The following NOL11 variants were observed in gnomAD, a reference collection of about 807,000 sequenced individuals.
The protein encoded by NOL11 is nucleolar protein 11.
NOL11 carries 42 observed loss-of-function variants against 93.0 expected under a neutral mutation model. That is an observed-to-expected ratio of 0.45 (90% CI 0.35 to 0.58). The LOEUF is 0.58. Ranked by LOEUF, NOL11 falls within the 20% of genes least tolerant of loss-of-function variation. The pLI is 0.00. For synonymous variants in NOL11, 296 were observed against 293.7 expected (o/e 1.01, Z -0.08); for missense variants, 775 against 841.8 (o/e 0.92, Z 0.98).
chr17:67,736,312 T>C (rs2055201862), intron 9 of NOL11, among the ~76,000 whole-genome samples: 1 of 151,450 alleles, frequency 6.6e-6, no homozygotes. Flanking sequence ...AAAAAAAAGT[T>C]TGAAACTTGT....
chr17:67,722,414 C>T (rs933577326), intron 4 of NOL11, among the ~76,000 whole-genome samples, 166 bp from the exon 5 acceptor site: 2 of 152,046 alleles, frequency 1.3e-5, no homozygotes, highest in African/African-American at 2.4e-5. Context: ...TTGACAAATG[C>T]GTATTGCTTG....
At chr17:67,724,688 G>A (rs2055072617) in intron 6 of NOL11, among the ~76,000 whole-genome samples, 1 of 152,154 alleles carries the variant, frequency 6.6e-6, no homozygotes, top group Non-Finnish European at 1.5e-5. Flanking sequence ...CAGTGATCCT[G>A]TGTTTTGAGG....
intron 3 of NOL11, chr17:67,720,300 C>CTTTTTTTTTTTTTT (rs766269065): frequency 7.6e-6 from 1 of 132,430 alleles, no homozygotes; most frequent in African/African-American, 2.8e-5. Context: ...GTGTATTGTA[C>CTTTTTTTTTTTTTT]TTTTTTTTTT....
chr17:67,737,414 T>TA, intron 11 of NOL11, 94 bp from the exon 12 acceptor site: 1 of 1,042,184 alleles, frequency 9.6e-7, no homozygotes, highest in Non-Finnish European at 1.4e-6. Flanking sequence ...TGATAACTGT[T>TA]AGTCATTTGA....
chr17:67,721,655 C>G (rs2043218374), intron 4 of NOL11, 129 bp downstream of exon 4: 1 of 726,864 alleles, frequency 1.4e-6, no homozygotes, highest in Admixed American at 3.0e-5. Flanking sequence ...TTACAAAACA[C>G]TGACTAAAAC....
At chr17:67,739,331 C>T (rs927292234) in intron 15 of NOL11, among the ~76,000 whole-genome samples, 185 bp from the exon 16 acceptor site, 7 of 152,162 alleles carry the variant, frequency 4.6e-5, no homozygotes, top group African/African-American at 1.2e-4. Flanking sequence ...CCACCACTAC[C>T]CCCAAACCAG....
rs553823392 is a variant in NOL11 at position 67,724,330 on chromosome 17, C to T, written c.664+137C>T. ...TGCTTCTTTACAGCGTTCATGCCTT[C>T]ACTTTTTTTTTTTTTTTTTTTGAGA... On this transcript the variant is annotated intron_variant, in intron 6 of 17. Transcript: ENST00000253247. 1.3e-4 allele frequency: 52 copies of T among 394,280 alleles called. No homozygotes were observed. In the East Asian group the frequency reaches 2.2e-3, roughly 16 times the overall value. The allele number at this position is 394,280 out of a possible 1,614,324, so 24.4% of individuals were successfully genotyped here. A position where few individuals can be genotyped will look rare whatever the true frequency, so the allele number is the denominator to read the frequency against.
chr17:67,731,656 A>G (rs953748482), intron 7 of NOL11, among the ~76,000 whole-genome samples: 3 of 152,206 alleles, frequency 2.0e-5, no homozygotes, highest in African/African-American at 7.2e-5. Context: ...AAAGAATGTT[A>G]TGGTTTTAGC....
chr17:67,738,950 A>G lies in NOL11; in HGVS notation c.1782A>G (p.Ser594=). 1 of 1,611,206 alleles carries G rather than the reference A, an allele frequency of 6.2e-7. No individual in the cohort carries two copies. The highest frequency in any genetic ancestry group is 1.1e-5 in the South Asian group (1 of 90,896). ...TCCTAAGTAATGCAATTCTTCATTC[A>G]GCATATAGCGAGACATTTCTTCTGC... ...RAALLNAILH[S]AYSETFLLPH... The change falls in exon 15 of 18, where the codon TCA becomes TCG. Residue 594 remains serine (S), a synonymous_variant. Coordinates refer to ENST00000253247, the MANE Select transcript of NOL11 (RefSeq NM_015462.5).
chr17:67,732,856 G>A (rs889587178), intron 7 of NOL11, among the ~76,000 whole-genome samples: 1 of 151,784 alleles, frequency 6.6e-6, no homozygotes, highest in African/African-American at 2.4e-5. Flanking sequence ...TTACAGGCAT[G>A]AGCCACCATG....
chr17:67,719,488 T>C (rs1428849745), intron 1 of NOL11, 186 bp from the exon 2 acceptor site: 5 of 414,168 alleles, frequency 1.2e-5, no homozygotes, highest in African/African-American at 4.2e-5. Flanking sequence ...CTCGAACTCC[T>C]GACCTCGTGA....
rs1426237262 is a variant in NOL11, at chr17:67,737,905, C to T, written c.1462C>T (p.Leu488Phe). The change falls in exon 13 of 18, where the codon CTC (leucine) becomes TTC (phenylalanine). Residue 488 changes from leucine to phenylalanine, a missense_variant. Around this residue, in one of 2 missense-constraint regions of NOL11, gnomAD observed 416 missense variants for 525.2 expected, o/e 0.79. Transcript: ENST00000253247. ...LKKKDVQLLQLCLQQFPDIPE... is the reference protein window; with the variant it reads ...LKKKDVQLLQFCLQQFPDIPE... Reference sequence around the variant, plus strand: ...AAAGAAAGATGTACAGTTGTTACAACTCTGTCTACAGCAGTTCCCTGACAT... The same window carrying T: ...AAAGAAAGATGTACAGTTGTTACAATTCTGTCTACAGCAGTTCCCTGACAT... 1 of 1,613,560 alleles carries T rather than the reference C, an allele frequency of 6.2e-7. No homozygotes were observed. The highest frequency in any genetic ancestry group is 1.7e-5 in the Admixed American group (1 of 59,892).
At chr17:67,739,642 G>A in intron 16 of NOL11, 34 bp downstream of exon 16, 1 of 1,348,404 alleles carries the variant, frequency 7.4e-7, no homozygotes. Context: ...TTTGGTGCTG[G>A]GAAAAATCTG....
intron 1 of NOL11, 150 bp downstream of exon 1, chr17:67,718,238 G>C: frequency 9.3e-7 from 1 of 1,073,278 alleles, no homozygotes; most frequent in South Asian, 1.7e-5. Context: ...CGCTGAGTGA[G>C]GTCTGGAATC....
rs765125216 is a variant in NOL11, at chr17:67,721,456, G to A, written c.391G>A (p.Gly131Ser). 2 of 1,613,800 alleles carry A rather than the reference G, an allele frequency of 1.2e-6. No homozygotes were observed. The highest frequency in any genetic ancestry group is 2.2e-5 in the South Asian group (2 of 91,062). ...LVLFKEGAVR[G>S]LEALLADPQQ... ...GCTCTTCAAGGAAGGTGCTGTTCGT[G>A]GTTTAGAGGCCTTGCTTGCAGACCC... The change falls in exon 4 of 18, where the codon GGT becomes AGT. Residue 131 changes from glycine to serine, a missense_variant. Physicochemically the swap from Gly to Ser is moderately conservative, Grantham distance 56 (BLOSUM62 0). Coordinates refer to ENST00000253247, the MANE Select transcript of NOL11 (RefSeq NM_015462.5).
chr17:67,734,488 G>A (rs2055183680), intron 8 of NOL11, 49 bp downstream of exon 8: 1 of 1,264,964 alleles, frequency 7.9e-7, no homozygotes, highest in Non-Finnish European at 1.1e-6. Flanking sequence ...ATTTTGTTGT[G>A]TTTTGTTTTG....
rs1231542526 is a variant in NOL11, at chr17:67,738,946, A to T, written c.1778A>T (p.His593Leu). 1.2e-6 allele frequency: 2 copies of T among 1,610,820 alleles called. No homozygotes were observed. The highest frequency in any genetic ancestry group is 1.7e-4 in the Middle Eastern group (1 of 6,046). The change falls in exon 15 of 18, where the codon CAT becomes CTT. Residue 593 changes from histidine (H) to leucine (L), a missense_variant. Around this residue, in one of 2 missense-constraint regions of NOL11, gnomAD observed 416 missense variants for 525.2 expected, o/e 0.79. Transcript: ENST00000253247. The stretch of plus-strand genomic sequence containing the variant: ...TTAGTCCTAAGTAATGCAATTCTTC[A>T]TTCAGCATATAGCGAGACATTTCTT... The part of the protein sequence containing the change: ...KRAALLNAIL[H>L]SAYSETFLLP...
chr17:67,725,068 A>G (rs8080580), intron 6 of NOL11, among the ~76,000 whole-genome samples: 3,394 of 152,278 alleles, frequency 0.022, 160 homozygotes, highest in African/African-American at 0.078. Context: ...CGTCTCAACA[A>G]AACAAAACAA....
At chr17:67,741,547 A>G (rs1337370352) in intron 16 of NOL11, among the ~76,000 whole-genome samples, 1 of 151,734 alleles carries the variant, frequency 6.6e-6, no homozygotes, top group African/African-American at 2.4e-5. Flanking sequence ...TTCAGTGGTT[A>G]TTTTTTATTT....
Sources: allele counts gnomAD v4.1 joint callset (sites outside exome capture counted in the v4.1 genomes callset), GRCh38; gene constraint gnomAD v4.1.1; regional missense constraint gnomAD v4.1.1; transcripts MANE v1.5; gene names NCBI Gene and HGNC (gene_info 2026-07-23, HGNC 2026-07-21).